Variants in CREBL2 observed in about 807,000 individuals in gnomAD.
CREBL2 encodes cAMP responsive element binding protein like 2, also known as cAMP-responsive element-binding protein-like 2.
Under a neutral mutation model 19.5 loss-of-function variants are expected in CREBL2, and 4 were observed. The observed-to-expected ratio is 0.20, with a 90% CI of 0.10 to 0.47. CREBL2 has a LOEUF of 0.47. Ranked by LOEUF, CREBL2 falls within the 20% of genes least tolerant of loss-of-function variation. CREBL2 has a pLI of 0.98. For synonymous variants in CREBL2, 42 were observed against 46.6 expected, an observed-to-expected ratio of 0.90 and a Z score of 0.40; for missense variants, 85 against 145.1, an observed-to-expected ratio of 0.59 and a Z score of 2.13.
chr12:12,625,148 C>T (rs754002962), intron 1 of CREBL2, among the ~76,000 whole-genome samples: 12 of 152,240 alleles, frequency 7.9e-5, no homozygotes, highest in Admixed American at 1.3e-4. Flanking sequence ...AGGCAACATT[C>T]GAGTGGGAAA....
rs769289567 is a variant in CREBL2 at position 12,611,976 on chromosome 12, C to T, written c.-197C>T. 6.3e-6 allele frequency: 4 copies of T among 631,878 alleles called. No individual in the cohort carries two copies. Among genetic ancestry groups the T allele is most frequent in the Middle Eastern group, 4.3e-4 (1 of 2,336 alleles). 39.1% of individuals were successfully genotyped at this position (631,878 alleles called of 1,614,324 possible). ...GAAGGGAGGCGTTTGGGGCCGCCTCCAGGGTCCGCTCTGCCATTCCTGAAC... is the reference window on the plus strand; with the variant it reads ...GAAGGGAGGCGTTTGGGGCCGCCTCTAGGGTCCGCTCTGCCATTCCTGAAC... On this transcript the variant is annotated 5_prime_UTR_variant, in exon 1 of 4. The change creates a premature stop within an existing upstream ORF in the 5' untranslated region. Coordinates refer to ENST00000228865, the MANE Select transcript of CREBL2 (RefSeq NM_001310.4).
chr12:12,630,481 T>G (rs1376566456), intron 1 of CREBL2, among the ~76,000 whole-genome samples: 1 of 152,154 alleles, frequency 6.6e-6, no homozygotes, highest in East Asian at 1.9e-4. Flanking sequence ...TTTGAGTTTT[T>G]TCTTTCTCTA....
intron 1 of CREBL2, among the ~76,000 whole-genome samples, chr12:12,630,986 T>C (rs1397599332): frequency 3.3e-5 from 5 of 152,242 alleles, no homozygotes; most frequent in Non-Finnish European, 5.9e-5. Context: ...CTAAGAATTA[T>C]ATGACACAGT....
intron 1 of CREBL2, among the ~76,000 whole-genome samples, chr12:12,625,600 C>T (rs537812603): frequency 1.3e-5 from 2 of 152,250 alleles, no homozygotes; most frequent in African/African-American, 4.8e-5. Context: ...GCTTGATTAC[C>T]TTCTGACAGG....
At position 12,635,824 on chromosome 12, in the gene CREBL2, A is replaced by G. The variant is rs778791306; in HGVS notation, c.63A>G (p.Pro21=). The G allele has an allele frequency of 3.1e-6, 5 of 1,613,944 alleles. No individual in the cohort carries two copies. The South Asian group carries it at 5.5e-5, about 18-fold the overall frequency. The stretch of plus-strand genomic sequence containing the variant: ...AGCCCGGTAAACGTGGTCGGAAGCC[A>G]GCCAAAATTGACTTGAAAGCAAAAC... ...VKKPGKRGRK[P]AKIDLKAKLE... is the part of the protein sequence containing the mutation. The change falls in exon 2 of 4, where the codon CCA becomes CCG. Residue 21 remains proline, a synonymous_variant. Coordinates refer to ENST00000228865, the MANE Select transcript of CREBL2 (RefSeq NM_001310.4).
rs142404101 is a variant in CREBL2, at chr12:12,641,253, A to ATTTTTTTTTTTT, written c.359-732_359-731insTTTTTTTTTTTT. Among the ~76,000 whole-genome samples, 63 of 78,234 alleles carry ATTTTTTTTTTTT rather than the reference A, an allele frequency of 8.1e-4. 3 individuals are homozygous for ATTTTTTTTTTTT. The highest frequency in any genetic ancestry group is 1.2e-3 in the Non-Finnish European group (46 of 39,928). 51.3% of individuals were successfully genotyped at this position (78,234 alleles called of 152,430 possible). A position where few individuals can be genotyped will look rare whatever the true frequency, so the allele number is the denominator to read the frequency against. ...TATTATTATTATTATTATTATTATTATTTTTTTTTATTTTTTTTTTTTTTA... is the reference window on the plus strand; with the variant it reads ...TATTATTATTATTATTATTATTATTATTTTTTTTTTTTTTTTTTTTTATTTTTTTTTTTTTTA... On this transcript the variant is annotated intron_variant, in intron 3 of 3. Coordinates refer to ENST00000228865, the MANE Select transcript of CREBL2 (RefSeq NM_001310.4).
chr12:12,637,760 G>A (rs757141874), intron 3 of CREBL2, 46 bp downstream of exon 3: 1 of 1,557,502 alleles, frequency 6.4e-7, no homozygotes, highest in South Asian at 1.2e-5. Context: ...GAGTGTCTCG[G>A]TTGGGCGCAG....
At chr12:12,639,824 G>A (rs967360428) in intron 3 of CREBL2, among the ~76,000 whole-genome samples, 2 of 152,212 alleles carry the variant, frequency 1.3e-5, no homozygotes, top group Non-Finnish European at 2.9e-5. Context: ...ATGCCCGCCT[G>A]AGTCTCAGAC....
chr12:12,636,109 T>TG, intron 2 of CREBL2, 135 bp downstream of exon 2: 1 of 837,342 alleles, frequency 1.2e-6, no homozygotes, highest in Non-Finnish European at 1.8e-6. Flanking sequence ...TTAGCCAGGA[T>TG]GGGGGCAAAT....
rs1945271860 is a variant in CREBL2 at position 12,612,138 on chromosome 12, A to T, written c.-35A>T. The stretch of plus-strand genomic sequence containing the variant: ...GGCTGAGCCGGGGGAGGGCTCCGGG[A>T]GGGAGTGCCTGGCCAGGCCGGCCTG... On this transcript the variant is annotated 5_prime_UTR_variant, in exon 1 of 4. Coordinates refer to ENST00000228865, the MANE Select transcript of CREBL2 (RefSeq NM_001310.4). 6.2e-7 allele frequency: 1 copy of T among 1,609,074 alleles called. No homozygotes were observed. The highest frequency in any genetic ancestry group is 1.7e-5 in the Admixed American group (1 of 59,984).
chr12:12,630,485 T>C (rs1945435328), intron 1 of CREBL2, among the ~76,000 whole-genome samples: 2 of 152,146 alleles, frequency 1.3e-5, no homozygotes, highest in Admixed American at 1.3e-4. Context: ...AGTTTTTTCT[T>C]TCTCTAATGG....
intron 1 of CREBL2, among the ~76,000 whole-genome samples, chr12:12,617,197 CAG>C (rs1264275888): frequency 2.0e-5 from 3 of 152,120 alleles, no homozygotes; most frequent in Non-Finnish European, 2.9e-5. Context: ...TGAATTGAAT[CAG>C]GGTGACATTA....
rs1945538271 is a variant in CREBL2 at position 12,643,161 on chromosome 12, C to G, written c.*1163C>G. ...TCCACTGTGGAGGGAAGCATTGGAACTGGAGTTGTGCACAGCACCGCAGCT... is the reference window on the plus strand; with the variant it reads ...TCCACTGTGGAGGGAAGCATTGGAAGTGGAGTTGTGCACAGCACCGCAGCT... On this transcript the variant is annotated 3_prime_UTR_variant, in exon 4 of 4. Transcript: ENST00000228865. 1 of 152,612 alleles carries G rather than the reference C, an allele frequency of 6.6e-6. No homozygotes were observed. Among genetic ancestry groups the G allele is most frequent in the South Asian group, 2.1e-4 (1 of 4,832 alleles). The allele number at this position is 152,612 out of a possible 1,614,324, so 9.5% of individuals were successfully genotyped here. A position where few individuals can be genotyped will look rare whatever the true frequency, so the allele number is the denominator to read the frequency against.
At chr12:12,637,380 C>T (rs1001637646) in intron 2 of CREBL2, among the ~76,000 whole-genome samples, 190 bp from the exon 3 acceptor site, 4 of 152,090 alleles carry the variant, frequency 2.6e-5, no homozygotes, top group Admixed American at 2.6e-4. Flanking sequence ...GATGGCAGAT[C>T]TCGTACATGT....
chr12:12,623,862 A>AT (rs1592239031), intron 1 of CREBL2, among the ~76,000 whole-genome samples: 4 of 152,352 alleles, frequency 2.6e-5, no homozygotes, highest in African/African-American at 7.2e-5. Flanking sequence ...AAGTGTCCTT[A>AT]TAAGACTAAG....
At chr12:12,636,664 A>C (rs989365514) in intron 2 of CREBL2, among the ~76,000 whole-genome samples, 2 of 151,954 alleles carry the variant, frequency 1.3e-5, no homozygotes, top group African/African-American at 4.8e-5. Context: ...CTCATGGTCC[A>C]CTCGCCTTGG....
At chr12:12,627,271 G>A (rs1945408675) in intron 1 of CREBL2, among the ~76,000 whole-genome samples, 1 of 152,154 alleles carries the variant, frequency 6.6e-6, no homozygotes, top group African/African-American at 2.4e-5. Context: ...CTGTGAGAGT[G>A]GAGAGGGGAT....
At chr12:12,623,412 A>G (rs1057290513) in intron 1 of CREBL2, among the ~76,000 whole-genome samples, 2 of 152,244 alleles carry the variant, frequency 1.3e-5, no homozygotes, top group African/African-American at 4.8e-5. Context: ...ACTTTGAAGA[A>G]AAATGACTTA....
chr12:12,615,562 A>T (rs1945304979), intron 1 of CREBL2: 1 of 150,412 alleles, frequency 6.6e-6, no homozygotes, highest in Non-Finnish European at 1.5e-5. Context: ...CAATGGTGCG[A>T]TCTTGGCTCA....
Sources: gnomAD v4.1 joint callset for allele counts (sites outside exome capture counted in the v4.1 genomes callset) on GRCh38, gnomAD v4.1.1 for gene constraint, MANE v1.5 for transcripts, NCBI Gene and HGNC (gene_info 2026-07-23, HGNC 2026-07-21) for gene names.